POLQ: variants seen among roughly 807,000 people sequenced by gnomAD.
POLQ encodes epididymis secretory sperm binding protein.
Under a neutral mutation model 259.2 loss-of-function variants are expected in POLQ, and 233 were observed. The ratio of observed to expected loss-of-function variants is 0.90; its 90% CI spans 0.81 to 1.00. POLQ has a LOEUF of 1.00. Ranked by LOEUF, POLQ falls within the 50% of genes least tolerant of loss-of-function variation. POLQ has a pLI of 0.00. For missense variants in POLQ, 2,871 were observed against 3,051.6 expected (o/e 0.94, Z 1.39); for synonymous variants, 1,025 against 1,048.8 (o/e 0.98, Z 0.44).
intron 18 of POLQ, among the ~76,000 whole-genome samples, chr3:121,482,863 A>G (rs1576412200): frequency 6.6e-6 from 1 of 152,172 alleles, no homozygotes; most frequent in African/African-American, 2.4e-5. Context: ...AAAAGTTAAC[A>G]TGTTTCTTAA....
intron 26 of POLQ, 96 bp from the exon 27 acceptor site, chr3:121,440,212 G>A (rs918475337): frequency 6.7e-5 from 57 of 850,652 alleles, no homozygotes; most frequent in South Asian, 6.2e-4. Context: ...AAAACCCCAC[G>A]ATGATTCTTA....
Position 121,431,930 on chromosome 3 carries a change from G to A in POLQ, c.*374C>T, listed in dbSNP as rs537204476. The A allele has an allele frequency of 6.8e-4, 117 of 172,116 alleles. No homozygotes were observed. The highest frequency in any genetic ancestry group is 2.6e-3 in the African/African-American group (112 of 42,420). 10.7% of individuals were successfully genotyped at this position (172,116 alleles called of 1,614,324 possible). On this transcript the variant is annotated 3_prime_UTR_variant, in exon 30 of 30. Transcript: ENST00000264233. ...TCTGCCTATGGCTGCTGTCTGGGTC[G>A]ATTGAGGCAGCAGCTTCATTTTCTT...
At chr3:121,517,921 G>T (rs2048309498) in intron 9 of POLQ, among the ~76,000 whole-genome samples, 1 of 152,106 alleles carries the variant, frequency 6.6e-6, no homozygotes, top group Non-Finnish European at 1.5e-5. Context: ...TTATTGTATT[G>T]GTTTTTGTTA....
rs543895544 is a variant in POLQ at position 121,536,308 on chromosome 3, G to C, written c.740+792C>G. 2.6e-5 allele frequency among the ~76,000 whole-genome samples: 4 copies of C among 152,172 alleles called. No individual in the cohort carries two copies. In the East Asian group the frequency reaches 7.7e-4, roughly 29 times the overall value. On this transcript the variant is annotated intron_variant, in intron 5 of 29. Coordinates refer to ENST00000264233, the MANE Select transcript of POLQ (RefSeq NM_199420.4). ...AAGGGAGAAGATTGGGTAGTGGTTAGTAAAAAATTTAAAAGAAAGCTAGAT... is the reference window on the plus strand; with the variant it reads ...AAGGGAGAAGATTGGGTAGTGGTTACTAAAAAATTTAAAAGAAAGCTAGAT...
chr3:121,537,283 C>A, intron 4 of POLQ, 75 bp from the exon 5 acceptor site: 1 of 817,322 alleles, frequency 1.2e-6, no homozygotes, highest in Non-Finnish European at 2.1e-6. Context: ...ACCTTTATTT[C>A]ACTCTATTTA....
intron 6 of POLQ, among the ~76,000 whole-genome samples, chr3:121,531,106 G>C (rs150454784): frequency 0.014 from 2,122 of 152,222 alleles, 52 homozygotes; most frequent in African/African-American, 0.049. Context: ...AGAATCACTT[G>C]AACCCGGGAG....
chr3:121,512,197 A>T (rs954995274), intron 9 of POLQ, among the ~76,000 whole-genome samples, 168 bp from the exon 10 acceptor site: 2 of 152,264 alleles, frequency 1.3e-5, no homozygotes, highest in Non-Finnish European at 2.9e-5. Context: ...GAAGGGGATC[A>T]GAATATGCCA....
rs759619552 is a variant in POLQ, at chr3:121,489,453, C to T, written c.3478G>A (p.Gly1160Arg). The T allele has an allele frequency of 2.5e-6, 4 of 1,613,906 alleles. No homozygotes were observed. Among genetic ancestry groups the T allele is most frequent in the Non-Finnish European group, 2.5e-6 (3 of 1,179,952 alleles). ...ATTTTTTCTGCCTCAACAGCTACTC[C>T]TCTGCCCTTTTCACTAACCACACTA... The part of the protein sequence containing the change: ...ATSVVSEKGR[G>R]VAVEAEKINE... Residue 1160 changes from glycine (G) to arginine (R), a missense_variant, in exon 16 of 30, where the codon GGA (glycine) becomes AGA (arginine). Gly to Arg is a moderately radical substitution (Grantham distance 125, BLOSUM62 -2). Around this residue, in one of 3 missense-constraint regions of POLQ, gnomAD observed 2,080 missense variants for 2,126.0 expected, o/e 0.98. Transcript: ENST00000264233.
chr3:121,545,788 G>A lies in POLQ; in HGVS notation c.90C>T (p.Ser30=), dbSNP rs979596844. ...FSGSGGDSSA[S]PQFLSGSVLS... is the part of the protein sequence containing the mutation. Reference sequence around the variant, plus strand: ...GCACGGACCCGGAGAGGAACTGGGGGCTGGCACTGCTGTCACCGCCGCTTC... The same window carrying A: ...GCACGGACCCGGAGAGGAACTGGGGACTGGCACTGCTGTCACCGCCGCTTC... The change falls in exon 1 of 30, where the codon AGC becomes AGT. Residue 30 remains serine (S), a synonymous_variant. Coordinates refer to ENST00000264233, the MANE Select transcript of POLQ (RefSeq NM_199420.4). 7.4e-6 allele frequency: 12 copies of A among 1,610,894 alleles called. No homozygotes were observed. Among genetic ancestry groups the A allele is most frequent in the Admixed American group, 6.7e-5 (4 of 59,650 alleles).
At position 121,535,996 on chromosome 3, in the gene POLQ, G is replaced by A. The variant is rs993479646; in HGVS notation, c.740+1104C>T. On this transcript the variant is annotated intron_variant, in intron 5 of 29. Transcript: ENST00000264233. The stretch of plus-strand genomic sequence containing the variant: ...AAAATCTTCAAGAAGATGACTGGCA[G>A]AATAGCAAATGTGGTAGAATACACA... Among the ~76,000 whole-genome samples the A allele has an allele frequency of 3.3e-5, 5 of 152,122 alleles. No homozygotes were observed. In the East Asian group the frequency reaches 9.6e-4, roughly 29 times the overall value.
intron 10 of POLQ, among the ~76,000 whole-genome samples, chr3:121,510,897 AAC>A (rs1262372523): frequency 1.3e-5 from 2 of 152,182 alleles, no homozygotes; most frequent in Non-Finnish European, 2.9e-5. Context: ...CATCCTGGCC[AAC>A]ACAGTGAAAC....
chr3:121,485,812 A>G (rs927969804), intron 16 of POLQ, among the ~76,000 whole-genome samples: 1 of 152,232 alleles, frequency 6.6e-6, no homozygotes, highest in African/African-American at 2.4e-5. Context: ...TCAAAAATGG[A>G]AAGTGCTATT....
intron 25 of POLQ, among the ~76,000 whole-genome samples, chr3:121,459,369 A>ATTTTTTTTTTTTTTTT (rs58859161): frequency 1.6e-4 from 17 of 104,760 alleles, no homozygotes; most frequent in East Asian, 3.5e-4. Flanking sequence ...GACTAGAAAG[A>ATTTTTTTTTTTTTTTT]TTTTTTTTTT....
At chr3:121,521,940 T>A in intron 8 of POLQ, 63 bp downstream of exon 8, 1 of 1,110,710 alleles carries the variant, frequency 9.0e-7, no homozygotes, top group East Asian at 2.7e-5. Context: ...TACACAAATA[T>A]AAAAGTTAAG....
intron 25 of POLQ, among the ~76,000 whole-genome samples, chr3:121,453,001 G>C (rs1055155911): frequency 2.6e-5 from 4 of 152,320 alleles, no homozygotes; most frequent in South Asian, 2.1e-4. Context: ...AGTAGGGGCA[G>C]ACTGACACCT....
At chr3:121,469,179 C>T (rs1403870633) in intron 22 of POLQ, among the ~76,000 whole-genome samples, 1 of 93,122 alleles carries the variant, frequency 1.1e-5, no homozygotes, top group African/African-American at 4.1e-5. Flanking sequence ...CAGAGTGAGA[C>T]TGTCTCAAAA....
intron 9 of POLQ, among the ~76,000 whole-genome samples, chr3:121,517,978 G>A (rs1476283734): frequency 6.6e-6 from 1 of 152,008 alleles, no homozygotes; most frequent in South Asian, 2.1e-4. Flanking sequence ...AATAAATTAC[G>A]GTCAATTTTT....
intron 8 of POLQ, among the ~76,000 whole-genome samples, chr3:121,520,855 G>C (rs1337808954): frequency 6.6e-6 from 1 of 152,176 alleles, no homozygotes; most frequent in Non-Finnish European, 1.5e-5. Flanking sequence ...CAGGGCCTAT[G>C]CATCACATTG....
At position 121,440,584 on chromosome 3, in the gene POLQ, C is replaced by T. The variant is rs969963244; in HGVS notation, c.7265-468G>A. Among the ~76,000 whole-genome samples, 7 of 152,286 alleles carry T rather than the reference C, an allele frequency of 4.6e-5. No individual in the cohort carries two copies. In the South Asian group the frequency reaches 1.0e-3, roughly 23 times the overall value. On this transcript the variant is annotated intron_variant, in intron 26 of 29. Coordinates refer to ENST00000264233, the MANE Select transcript of POLQ (RefSeq NM_199420.4). ...CATCTGAGCTCAAGCGATCTGCCCA[C>T]CTCCGCCTCCCAAAGTGCTAGGATT...
Sources: gnomAD v4.1 joint callset for allele counts (sites outside exome capture counted in the v4.1 genomes callset) on GRCh38, gnomAD v4.1.1 for gene constraint, gnomAD v4.1.1 regional missense constraint, MANE v1.5 for transcripts, NCBI Gene and HGNC (gene_info 2026-07-23, HGNC 2026-07-21) for gene names.